Variants in PTPN21 observed in about 807,000 individuals in gnomAD.
PTPN21 encodes the protein tyrosine-protein phosphatase non-receptor type 21.
In PTPN21, 77 loss-of-function variants were observed where a neutral mutation model predicts 131.8. The ratio of observed to expected loss-of-function variants is 0.58; its 90% CI spans 0.49 to 0.71. The LOEUF is 0.71. PTPN21 is among the 30% of genes least tolerant of loss of function. The pLI, the probability that PTPN21 is intolerant of heterozygous loss-of-function variation, is 0.00. For synonymous variants in PTPN21, 715 were observed against 621.3 expected (o/e 1.15, Z -2.24); for missense variants, 1,552 against 1,527.1 (o/e 1.02, Z -0.27).
At chr14:88,535,569 A>G (rs1160096238) in intron 2 of PTPN21, among the ~76,000 whole-genome samples, 2 of 152,222 alleles carry the variant, frequency 1.3e-5, no homozygotes, top group Non-Finnish European at 2.9e-5. Context: ...GTAAGTTCTA[A>G]TCGTACTGAT....
intron 2 of PTPN21, among the ~76,000 whole-genome samples, chr14:88,520,651 A>G (rs2078375198): frequency 1.3e-5 from 2 of 152,204 alleles, no homozygotes; most frequent in Non-Finnish European, 2.9e-5. Flanking sequence ...CTGGTTTAAT[A>G]GAAAGAGCTT....
In PTPN21 at chr14:88,553,005, A is replaced by T. The variant is rs150613304; in HGVS notation, c.-203+1646T>A. ...TAGATGAACAGACAAGATATTGCAT[A>T]TGTGTAGAGGAAAGATAAATATTTG... On this transcript the variant is annotated intron_variant, in intron 1 of 18. Transcript: ENST00000556564. Among the ~76,000 whole-genome samples, 773 of 152,272 alleles carry T rather than the reference A, an allele frequency of 5.1e-3. 9 individuals are homozygous for T. Among genetic ancestry groups the T allele is most frequent in the African/African-American group, 0.018 (744 of 41,550 alleles).
chr14:88,523,757 C>A (rs1354252964), intron 2 of PTPN21, among the ~76,000 whole-genome samples: 1 of 137,300 alleles, frequency 7.3e-6, no homozygotes, highest in African/African-American at 2.7e-5. Context: ...ACACACACAC[C>A]CCTGCCCTAC....
chr14:88,479,220 G>A lies in PTPN21; in HGVS notation c.2211C>T (p.Pro737=), dbSNP rs770396903. 71 of 1,600,352 alleles carry A rather than the reference G, an allele frequency of 4.4e-5. No homozygotes were observed. The South Asian group carries it at 4.7e-4, about 11-fold the overall frequency. ...AGCCAGGTGGGTCCTGGGCCAGGCC[G>A]GGCCGAGGCTCGCGCGCACGTGCAG... is the stretch of plus-strand genomic sequence containing the variant. ...APPARAREPR[P]GLAQDPPGCP... The change falls in exon 13 of 19, where the codon CCC becomes CCT. Residue 737 remains proline (P), a synonymous_variant. Transcript: ENST00000556564.
chr14:88,532,424 A>C (rs1185473599), intron 2 of PTPN21, among the ~76,000 whole-genome samples: 1 of 152,170 alleles, frequency 6.6e-6, no homozygotes, highest in Non-Finnish European at 1.5e-5. Context: ...TACAATTTCT[A>C]TTTTCTAATA....
At chr14:88,475,207 G>A (rs1418396158) in intron 13 of PTPN21, among the ~76,000 whole-genome samples, 2 of 152,264 alleles carry the variant, frequency 1.3e-5, no homozygotes, top group East Asian at 1.9e-4. Context: ...CAAAATCCGT[G>A]TTATTCCAGC....
rs373231228 is a variant in PTPN21, at chr14:88,479,004, G to A, written c.2427C>T (p.Ala809=). The part of the protein sequence containing the change: ...SDLTTSGRYR[A]RRDSLKKRPV... ...GCCTTTTCTTCAGAGAGTCCCTCCG[G>A]GCTCGGTAGCGGCCTGACGTGGTGA... Residue 809 remains alanine, a synonymous_variant, in exon 13 of 19, where the codon GCC becomes GCT. Coordinates refer to ENST00000556564, the MANE Select transcript of PTPN21 (RefSeq NM_007039.4). 3 of 1,601,158 alleles carry A rather than the reference G, an allele frequency of 1.9e-6. No individual in the cohort carries two copies. The highest frequency in any genetic ancestry group is 2.3e-5 in the East Asian group (1 of 44,220).
chr14:88,537,424 T>C (rs2078646296), intron 2 of PTPN21, among the ~76,000 whole-genome samples: 1 of 152,152 alleles, frequency 6.6e-6, no homozygotes, highest in Admixed American at 6.5e-5. Flanking sequence ...ATAAATATAC[T>C]CTATTTTTAA....
At chr14:88,513,576 C>T (rs2078217159) in intron 3 of PTPN21, 1 of 152,208 alleles carries the variant, frequency 6.6e-6, no homozygotes, top group Non-Finnish European at 1.5e-5. Flanking sequence ...AAAATGTCCT[C>T]TTTTGCAAGT....
chr14:88,540,769 C>A (rs2078694322), intron 2 of PTPN21, among the ~76,000 whole-genome samples: 1 of 152,012 alleles, frequency 6.6e-6, no homozygotes, highest in East Asian at 1.9e-4. Context: ...TTCAAGTGAT[C>A]CTCCCACCTC....
chr14:88,546,261 T>G (rs1188480466), intron 2 of PTPN21, among the ~76,000 whole-genome samples: 1 of 151,766 alleles, frequency 6.6e-6, no homozygotes, highest in Non-Finnish European at 1.5e-5. Context: ...GCGGCCCTTG[T>G]AACTGTCATT....
chr14:88,500,990 T>C, intron 7 of PTPN21, 119 bp from the exon 8 acceptor site: 2 of 744,846 alleles, frequency 2.7e-6, no homozygotes, highest in Non-Finnish European at 2.3e-6. Context: ...AGAGTAACTA[T>C]TCAGGAAGAC....
intron 3 of PTPN21, among the ~76,000 whole-genome samples, chr14:88,510,387 A>T (rs1242111075): frequency 6.6e-6 from 1 of 152,162 alleles, no homozygotes; most frequent in Non-Finnish European, 1.5e-5. Flanking sequence ...TGCTTTCTCC[A>T]CTATTTAATA....
intron 2 of PTPN21, among the ~76,000 whole-genome samples, chr14:88,531,423 G>T (rs1343452404): frequency 6.6e-6 from 1 of 152,094 alleles, no homozygotes; most frequent in East Asian, 1.9e-4. Flanking sequence ...CAGGCATGGT[G>T]GTGCATGCCT....
intron 13 of PTPN21, among the ~76,000 whole-genome samples, chr14:88,477,173 T>G (rs1462268816): frequency 2.0e-5 from 3 of 152,136 alleles, no homozygotes; most frequent in Non-Finnish European, 4.4e-5. Flanking sequence ...CTGTGTCCAC[T>G]GAAGGCATTG....
chr14:88,529,628 C>A (rs1462439955), intron 2 of PTPN21, among the ~76,000 whole-genome samples: 2 of 152,080 alleles, frequency 1.3e-5, no homozygotes, highest in Non-Finnish European at 2.9e-5. Flanking sequence ...GGAAATACAT[C>A]ACAAAAAGAT....
chr14:88,522,922 G>A (rs2078417908), intron 2 of PTPN21, among the ~76,000 whole-genome samples: 1 of 138,136 alleles, frequency 7.2e-6, no homozygotes, highest in Non-Finnish European at 1.5e-5. Flanking sequence ...ATTCTCATCA[G>A]GCAAAGATTT....
At chr14:88,497,336 G>A (rs1247947311) in intron 8 of PTPN21, 46 bp from the exon 9 acceptor site, 13 of 1,428,846 alleles carry the variant, frequency 9.1e-6, no homozygotes, top group Non-Finnish European at 1.2e-5. Context: ...TGCCCATGGG[G>A]GAAACAAGGA....
At chr14:88,536,294 CTTCATAGTTGTT>C (rs1359185304) in intron 2 of PTPN21, among the ~76,000 whole-genome samples, 1 of 152,132 alleles carries the variant, frequency 6.6e-6, no homozygotes, top group Non-Finnish European at 1.5e-5. Context: ...TCAATGATTT[CTTCATAGTTGTT>C]TAAAATTTTT....
Sources: gnomAD v4.1 joint callset for allele counts (sites outside exome capture counted in the v4.1 genomes callset) on GRCh38, gnomAD v4.1.1 for gene constraint, MANE v1.5 for transcripts, NCBI Gene and HGNC (gene_info 2026-07-23, HGNC 2026-07-21) for gene names.